The following ADAMTS20 variants were observed in gnomAD, a reference collection of about 807,000 sequenced individuals.
The protein encoded by ADAMTS20 is ADAM metallopeptidase with thrombospondin type 1 motif 20.
Under a neutral mutation model 260.1 loss-of-function variants are expected in ADAMTS20, and 225 were observed. The ratio of observed to expected loss-of-function variants is 0.87; its 90% CI spans 0.78 to 0.97. ADAMTS20 has a LOEUF of 0.97. ADAMTS20 is among the 50% of genes least tolerant of loss of function. The pLI is 0.00. For missense variants in ADAMTS20, 2,400 were observed against 2,337.7 expected (o/e 1.03, Z -0.55); for synonymous variants, 802 against 769.5 (o/e 1.04, Z -0.70).
At chr12:43,445,700 AAATTAGATGGG>A (rs1941747608) in intron 15 of ADAMTS20, among the ~76,000 whole-genome samples, 2 of 151,646 alleles carry the variant, frequency 1.3e-5, no homozygotes, top group Non-Finnish European at 2.9e-5. Flanking sequence ...ACACACACAC[AAATTAGATGGG>A]CATGGTGGTG....
intron 37 of ADAMTS20, 116 bp from the exon 38 acceptor site, chr12:43,356,704 G>A: frequency 7.4e-6 from 5 of 672,668 alleles, no homozygotes; most frequent in Admixed American, 2.6e-5. Context: ...GTTATTTGTG[G>A]AGAAGTAACT....
Position 43,551,803 on chromosome 12 carries a change from C to T in ADAMTS20, c.91+28G>A. ...CTCGGGCCCCGCGCCCCCACTTAGC[C>T]GCTGAAGGCGTCTCGCGGTGACTTT... On this transcript the variant is annotated intron_variant, in intron 1 of 38. Transcript: ENST00000389420. This position sits in a 1 kb window ranked among gnomAD's most constrained non-coding sequence, Gnocchi z 4.6. 1 of 1,611,550 alleles carries T rather than the reference C, an allele frequency of 6.2e-7. No individual in the cohort carries two copies. Among genetic ancestry groups the T allele is most frequent in the Non-Finnish European group, 8.5e-7 (1 of 1,178,458 alleles).
At chr12:43,460,841 A>C (rs1174608622) in intron 11 of ADAMTS20, among the ~76,000 whole-genome samples, 4 of 151,122 alleles carry the variant, frequency 2.6e-5, no homozygotes, top group Non-Finnish European at 4.4e-5. Flanking sequence ...TCCTTCAAAA[A>C]AGATGACGCT....
At chr12:43,356,876 T>C (rs1939757903) in intron 37 of ADAMTS20, among the ~76,000 whole-genome samples, 1 of 152,190 alleles carries the variant, frequency 6.6e-6, no homozygotes, top group Admixed American at 6.5e-5. Flanking sequence ...TTCTATGCTG[T>C]TTCACCTATT....
At chr12:43,445,058 T>TAG (rs1941735957) in intron 15 of ADAMTS20, among the ~76,000 whole-genome samples, 1 of 152,184 alleles carries the variant, frequency 6.6e-6, no homozygotes, top group African/African-American at 2.4e-5. Flanking sequence ...TTACTATTTA[T>TAG]ATCTTTACTA....
intron 2 of ADAMTS20, among the ~76,000 whole-genome samples, chr12:43,534,322 T>G (rs1943264146): frequency 6.6e-6 from 1 of 151,992 alleles, no homozygotes; most frequent in Non-Finnish European, 1.5e-5. Flanking sequence ...GCGAAGGACA[T>G]GAGCAGACAC....
intron 36 of ADAMTS20, among the ~76,000 whole-genome samples, chr12:43,374,277 TATATTATATATTCATGC>T (rs1940173538): frequency 6.6e-6 from 1 of 152,168 alleles, no homozygotes; most frequent in East Asian, 1.9e-4. Context: ...CTATAATTTA[TATATTATATATTCATGC>T]ATATACTGTC....
At chr12:43,353,499 G>A (rs1939676783), downstream of ADAMTS20, among the ~76,000 whole-genome samples, 1 of 151,734 alleles carries the variant, frequency 6.6e-6, no homozygotes, top group Non-Finnish European at 1.5e-5. Flanking sequence ...CAAATTTGAG[G>A]TAGATTTTAA....
intron 31 of ADAMTS20, among the ~76,000 whole-genome samples, chr12:43,383,128 C>A (rs1452173540): frequency 3.3e-5 from 5 of 152,034 alleles, no homozygotes; most frequent in Admixed American, 2.6e-4. Flanking sequence ...GATTATAAAG[C>A]AGCACAAGGA....
chr12:43,507,153 T>C (rs940350646), intron 3 of ADAMTS20, among the ~76,000 whole-genome samples: 4 of 152,236 alleles, frequency 2.6e-5, no homozygotes, highest in African/African-American at 4.8e-5. Context: ...GATGATGTGT[T>C]AATTTGATTG....
At chr12:43,416,802 G>A (rs1321931699) in intron 28 of ADAMTS20, among the ~76,000 whole-genome samples, 2 of 152,150 alleles carry the variant, frequency 1.3e-5, no homozygotes, top group East Asian at 1.9e-4. Flanking sequence ...GATTACAGGC[G>A]TGAGCCACCG....
At chr12:43,495,416 A>G (rs1405957651) in intron 4 of ADAMTS20, among the ~76,000 whole-genome samples, 1 of 152,218 alleles carries the variant, frequency 6.6e-6, no homozygotes, top group Non-Finnish European at 1.5e-5. Flanking sequence ...ATGGTCTGCA[A>G]ATAGTATTTA....
intron 29 of ADAMTS20, among the ~76,000 whole-genome samples, chr12:43,394,873 T>C (rs888386610): frequency 5.9e-5 from 9 of 152,160 alleles, no homozygotes; most frequent in African/African-American, 2.2e-4. Context: ...TCTTCATCTG[T>C]CTAATGAACG....
At chr12:43,354,893 A>G (rs80117651) in intron 38 of ADAMTS20, among the ~76,000 whole-genome samples, 6,092 of 152,282 alleles carry the variant, frequency 0.04, 380 homozygotes, top group African/African-American at 0.14. Flanking sequence ...AAAATGGGAG[A>G]TTGTTCCATA....
At chr12:43,501,796 GA>G (rs1172274477) in intron 4 of ADAMTS20, among the ~76,000 whole-genome samples, 1 of 152,136 alleles carries the variant, frequency 6.6e-6, no homozygotes, top group African/African-American at 2.4e-5. Context: ...CCTCTGTGCA[GA>G]AATAGGGTAA....
intron 3 of ADAMTS20, among the ~76,000 whole-genome samples, chr12:43,528,583 G>A (rs1282679176): frequency 6.6e-6 from 1 of 151,718 alleles, no homozygotes; most frequent in Non-Finnish European, 1.5e-5. Flanking sequence ...TTAATAAATA[G>A]TGGGAGAGTT....
Position 43,502,234 on chromosome 12 carries a change from T to A in ADAMTS20, c.785A>T (p.Glu262Val). Residue 262 changes from glutamate (E) to valine (V), a missense_variant, in exon 4 of 39, where the codon GAA becomes GTA. Physicochemically the swap from Glu to Val is moderately radical, Grantham distance 121 (BLOSUM62 -2). Coordinates refer to ENST00000389420, the MANE Select transcript of ADAMTS20 (RefSeq NM_025003.5). ...TTTAGCATCAGCTGTAACCATAATT[T>A]CAATGTATCTTGGATATGATATAAG... ...KRLISYPRYI[E>V]IMVTADAKVV... is the part of the protein sequence containing the mutation. 2 of 1,611,504 alleles carry A rather than the reference T, an allele frequency of 1.2e-6. No homozygotes were observed. The highest frequency in any genetic ancestry group is 2.2e-5 in the South Asian group (2 of 90,588).
chr12:43,513,841 C>T (rs544202740), intron 3 of ADAMTS20, among the ~76,000 whole-genome samples: 12 of 149,476 alleles, frequency 8.0e-5, no homozygotes, highest in Non-Finnish European at 1.6e-4. Flanking sequence ...TGTTCTCACT[C>T]ATAGGTAGGA....
At chr12:43,377,124 C>T (rs1374904069) in intron 32 of ADAMTS20, among the ~76,000 whole-genome samples, 1 of 152,196 alleles carries the variant, frequency 6.6e-6, no homozygotes, top group Non-Finnish European at 1.5e-5. Context: ...GTGCAAGCCA[C>T]TGTGCTAAGT....
Sources: gnomAD v4.1 joint callset for allele counts (sites outside exome capture counted in the v4.1 genomes callset) on GRCh38, gnomAD v4.1.1 for gene constraint, Gnocchi (gnomAD v3.1) non-coding constraint, MANE v1.5 for transcripts, NCBI Gene and HGNC (gene_info 2026-07-23, HGNC 2026-07-21) for gene names.